TMEM45A: variants seen among roughly 807,000 people sequenced by gnomAD.
The protein encoded by TMEM45A is transmembrane protein 45A.
A neutral mutation model predicts 32.0 loss-of-function variants in TMEM45A; 25 were observed. The observed-to-expected ratio is 0.78, with a 90% confidence interval of 0.57 to 1.09. The LOEUF (loss-of-function observed/expected upper bound fraction) is 1.09. Ranked by LOEUF, TMEM45A falls within the 50% of genes least tolerant of loss-of-function variation. The pLI is 0.00. For synonymous variants in TMEM45A, 122 were observed against 114.8 expected (o/e 1.06, Z -0.40); for missense variants, 302 against 325.0 (o/e 0.93, Z 0.54).
chr3:100,552,297 A>T (rs1377022767), intron 1 of TMEM45A, among the ~76,000 whole-genome samples: 2 of 152,106 alleles, frequency 1.3e-5, no homozygotes, highest in Non-Finnish European at 2.9e-5. Context: ...ATAATATGGT[A>T]ATGGTCATAG....
At chr3:100,531,151 T>C (rs905888353) in intron 1 of TMEM45A, among the ~76,000 whole-genome samples, 4 of 152,234 alleles carry the variant, frequency 2.6e-5, no homozygotes, top group Non-Finnish European at 4.4e-5. Flanking sequence ...CATTTATGCA[T>C]TGAAATATTT....
At chr3:100,569,860 T>C (rs527467867) in intron 5 of TMEM45A, among the ~76,000 whole-genome samples, 11 of 152,316 alleles carry the variant, frequency 7.2e-5, no homozygotes, top group African/African-American at 2.6e-4. Flanking sequence ...ACAGAAATAG[T>C]AGAAGAACAA....
intron 1 of TMEM45A, among the ~76,000 whole-genome samples, chr3:100,529,161 A>C (rs1303224380): frequency 1.3e-5 from 2 of 152,214 alleles, no homozygotes; most frequent in African/African-American, 4.8e-5. Flanking sequence ...AGGGGGATTT[A>C]AAATCAGAGA....
intron 1 of TMEM45A, among the ~76,000 whole-genome samples, chr3:100,545,682 G>A (rs942384219): frequency 5.9e-5 from 9 of 152,276 alleles, no homozygotes; most frequent in East Asian, 3.9e-4. Flanking sequence ...CTCAGCACAC[G>A]TATAGCATTT....
intron 1 of TMEM45A, among the ~76,000 whole-genome samples, chr3:100,534,870 C>T (rs925499551): frequency 7.9e-5 from 12 of 152,156 alleles, no homozygotes; most frequent in Non-Finnish European, 1.3e-4. Context: ...AGCCAAGAAA[C>T]CAGATGTCCT....
intron 1 of TMEM45A, among the ~76,000 whole-genome samples, chr3:100,498,526 C>T (rs1707964461): frequency 1.3e-5 from 2 of 152,124 alleles, no homozygotes; most frequent in Admixed American, 1.3e-4. Context: ...ACTTGCTAGC[C>T]TTCACAATTG....
intron 4 of TMEM45A, among the ~76,000 whole-genome samples, chr3:100,564,032 C>A (rs1207153138): frequency 6.6e-6 from 1 of 152,160 alleles, no homozygotes; most frequent in African/African-American, 2.4e-5. Context: ...GGCAGTGATG[C>A]AAATGTTTTT....
Position 100,576,937 on chromosome 3 carries a change from T to C in TMEM45A, c.747T>C (p.Ser249=), listed in dbSNP as rs763871454. The change falls in exon 6 of 6, where the codon TCT becomes TCC. Residue 249 remains serine (S), a synonymous_variant. Coordinates refer to ENST00000323523, the MANE Select transcript of TMEM45A (RefSeq NM_018004.3). ...NYAFITWLVK[S]RLKRLCSSEV... The stretch of plus-strand genomic sequence containing the variant: ...TCTTTCTCCTCAGGTTGGTTAAATC[T>C]AGACTTAAGAGGCTCTGCTCCTCAG... 2.4e-5 allele frequency: 38 copies of C among 1,612,886 alleles called. 1 individual carries two copies. In the Admixed American group the frequency reaches 6.3e-4, roughly 27 times the overall value.
chr3:100,528,855 C>A (rs1229540037), intron 1 of TMEM45A, among the ~76,000 whole-genome samples: 2 of 151,958 alleles, frequency 1.3e-5, no homozygotes, highest in African/African-American at 4.8e-5. Context: ...TATGACAGAG[C>A]CAAAGAAATA....
chr3:100,498,337 C>G (rs760021528), intron 1 of TMEM45A, among the ~76,000 whole-genome samples: 1 of 152,176 alleles, frequency 6.6e-6, no homozygotes, highest in Non-Finnish European at 1.5e-5. Context: ...AATCAGTAGA[C>G]TTTGAGTATG....
At chr3:100,575,363 C>CTTTTTTTTTTTTTTTTTTTTTT (rs59739893) in intron 5 of TMEM45A, among the ~76,000 whole-genome samples, 2 of 62,706 alleles carry the variant, frequency 3.2e-5, no homozygotes, top group African/African-American at 1.1e-4. Flanking sequence ...TATGGATTCT[C>CTTTTTTTTTTTTTTTTTTTTTT]TTTTTTTTTT....
chr3:100,563,211 A>G (rs1706368894), intron 4 of TMEM45A, among the ~76,000 whole-genome samples: 2 of 152,092 alleles, frequency 1.3e-5, no homozygotes, highest in South Asian at 4.1e-4. Context: ...TTATCACAAG[A>G]TATTCTTCCT....
At chr3:100,528,760 T>A (rs1432668003) in intron 1 of TMEM45A, among the ~76,000 whole-genome samples, 1 of 152,210 alleles carries the variant, frequency 6.6e-6, no homozygotes, top group Non-Finnish European at 1.5e-5. Context: ...TTTAAATCAT[T>A]TATTTAATTT....
intron 1 of TMEM45A, among the ~76,000 whole-genome samples, chr3:100,527,071 C>G (rs981834073): frequency 6.6e-6 from 1 of 152,134 alleles, no homozygotes; most frequent in African/African-American, 2.4e-5. Context: ...CCACCTACAT[C>G]AGGAATGACT....
intron 5 of TMEM45A, among the ~76,000 whole-genome samples, chr3:100,570,011 T>G (rs188704697): frequency 6.6e-6 from 1 of 152,298 alleles, no homozygotes. Context: ...CTTGGCTGAT[T>G]TCAATGACCA....
chr3:100,511,261 TA>T (rs1426642759), intron 1 of TMEM45A, among the ~76,000 whole-genome samples: 1 of 152,172 alleles, frequency 6.6e-6, no homozygotes, highest in Non-Finnish European at 1.5e-5. Flanking sequence ...CCCATCAGAC[TA>T]ACAGCGGATG....
intron 1 of TMEM45A, among the ~76,000 whole-genome samples, chr3:100,539,444 T>TATATGCATATGCATATGCATATGC (rs1553682664): frequency 2.2e-5 from 2 of 90,562 alleles, no homozygotes; most frequent in African/African-American, 3.6e-5. Context: ...TATGTATATG[T>TATATGCATATGCATATGCATATGC]ATATGTATAT....
chr3:100,530,919 A>G (rs535966445), intron 1 of TMEM45A, among the ~76,000 whole-genome samples: 2 of 152,268 alleles, frequency 1.3e-5, no homozygotes, highest in Non-Finnish European at 2.9e-5. Flanking sequence ...TTGCATTCCC[A>G]TGATATAATT....
intron 1 of TMEM45A, among the ~76,000 whole-genome samples, chr3:100,539,424 C>T (rs1705806116): frequency 1.6e-5 from 1 of 61,674 alleles, no homozygotes; most frequent in Non-Finnish European, 3.9e-5. Flanking sequence ...AGAAACAGAA[C>T]CCAATAGGAT....
Sources: allele counts gnomAD v4.1 joint callset (sites outside exome capture counted in the v4.1 genomes callset), GRCh38; gene constraint gnomAD v4.1.1; transcripts MANE v1.5; gene names NCBI Gene and HGNC (gene_info 2026-07-23, HGNC 2026-07-21).